SDK2: variants seen among roughly 807,000 people sequenced by gnomAD.
SDK2 encodes sidekick cell adhesion molecule 2.
In SDK2, 105 loss-of-function variants were observed where a neutral mutation model predicts 253.9. The observed-to-expected ratio is 0.41, with a 90% CI of 0.35 to 0.49. The LOEUF (loss-of-function observed/expected upper bound fraction) is 0.49. SDK2 is among the 20% of genes least tolerant of loss of function. The pLI, the probability that SDK2 is intolerant of heterozygous loss-of-function variation, is 0.06. For missense variants in SDK2, 2,608 were observed against 3,003.0 expected, an observed-to-expected ratio of 0.87 and a Z score of 3.07; for synonymous variants, 1,249 against 1,234.9, an observed-to-expected ratio of 1.01 and a Z score of -0.24.
At chr17:73,384,934 C>G (rs1205516128) in intron 32 of SDK2, among the ~76,000 whole-genome samples, 5 of 152,238 alleles carry the variant, frequency 3.3e-5, no homozygotes, top group African/African-American at 9.6e-5. Flanking sequence ...CCTCCCTCTG[C>G]CACGTTGCTC....
chr17:73,427,063 T>C (rs7215575), intron 12 of SDK2, among the ~76,000 whole-genome samples: 71,804 of 151,696 alleles, frequency 0.47, 17,936 homozygotes, highest in East Asian at 0.61. Context: ...CCAGCCTGGG[T>C]GACAGAGCGA....
chr17:73,515,545 G>C (rs969783116), intron 1 of SDK2, among the ~76,000 whole-genome samples: 1 of 152,256 alleles, frequency 6.6e-6, no homozygotes, highest in African/African-American at 2.4e-5. Context: ...GAGGGTTTCA[G>C]GTGGATGAGC....
chr17:73,395,089 A>G lies in SDK2; in HGVS notation c.3592+66T>C. On this transcript the variant is annotated intron_variant, in intron 25 of 44. Coordinates refer to ENST00000392650, the MANE Select transcript of SDK2 (RefSeq NM_001144952.2). The surrounding 1 kb of genome is among the most constrained non-coding windows in gnomAD (Gnocchi z 4.3). Reference sequence around the variant, plus strand: ...CTTCAGCCTGGCACGCGCTTGGATGACCCTGAGGGCATAGAGACCAAGGAG... The same window carrying G: ...CTTCAGCCTGGCACGCGCTTGGATGGCCCTGAGGGCATAGAGACCAAGGAG... 1 of 1,295,782 alleles carries G rather than the reference A, an allele frequency of 7.7e-7. No homozygotes were observed. Among genetic ancestry groups the G allele is most frequent in the Non-Finnish European group, 1.1e-6 (1 of 932,678 alleles). The allele number at this position is 1,295,782 out of a possible 1,614,324, so 80.3% of individuals were successfully genotyped here.
intron 1 of SDK2, among the ~76,000 whole-genome samples, chr17:73,625,311 C>T (rs966865337): frequency 1.3e-5 from 2 of 152,248 alleles, no homozygotes; most frequent in East Asian, 1.9e-4. Flanking sequence ...TCTAGGCCTG[C>T]TCACCATTCT....
chr17:73,529,807 C>T (rs754240826), intron 1 of SDK2, among the ~76,000 whole-genome samples: 12 of 152,190 alleles, frequency 7.9e-5, no homozygotes, highest in Non-Finnish European at 1.3e-4. Flanking sequence ...AGAAGGAACC[C>T]GCTGGGCTGA....
intron 12 of SDK2, among the ~76,000 whole-genome samples, chr17:73,430,154 G>A (rs961216740): frequency 3.3e-5 from 5 of 152,202 alleles, no homozygotes; most frequent in Non-Finnish European, 5.9e-5. Context: ...ACTAGCAGTG[G>A]CGTCCAGGGC....
At chr17:73,386,614 C>A in intron 30 of SDK2, 66 bp from the exon 31 acceptor site, 2 of 1,070,038 alleles carry the variant, frequency 1.9e-6, no homozygotes, top group Non-Finnish European at 2.8e-6. Flanking sequence ...ATGCTCCCAC[C>A]AAGGAGTCTC....
At position 73,337,152 on chromosome 17, in the gene SDK2, A is replaced by G. The variant is rs1226139105; in HGVS notation, c.*1435T>C. 6.6e-6 allele frequency: 1 copy of G among 151,678 alleles called. No individual in the cohort carries two copies. The highest frequency in any genetic ancestry group is 1.5e-5 in the Non-Finnish European group (1 of 68,048). The allele number at this position is 151,678 out of a possible 1,614,324, so 9.4% of individuals were successfully genotyped here. The stretch of plus-strand genomic sequence containing the variant: ...CTGACCTGCCCCTGCTGGGCGTGCA[A>G]TTCAAATGCTGGGTCCACTTTGGAC... On this transcript the variant is annotated 3_prime_UTR_variant, in exon 45 of 45. Coordinates refer to ENST00000392650, the MANE Select transcript of SDK2 (RefSeq NM_001144952.2).
At chr17:73,420,580 C>T (rs954250435) in intron 15 of SDK2, among the ~76,000 whole-genome samples, 2 of 152,096 alleles carry the variant, frequency 1.3e-5, no homozygotes, top group African/African-American at 2.4e-5. Context: ...ATCCACCTGC[C>T]TCTGCCTCCC....
intron 1 of SDK2, among the ~76,000 whole-genome samples, chr17:73,620,964 C>T (rs1341427458): frequency 6.6e-6 from 1 of 152,166 alleles, no homozygotes; most frequent in African/African-American, 2.4e-5. Flanking sequence ...TGAATGTACT[C>T]AACGCTACTG....
chr17:73,597,943 C>A (rs569233052), intron 1 of SDK2, among the ~76,000 whole-genome samples: 14 of 152,182 alleles, frequency 9.2e-5, no homozygotes, highest in Non-Finnish European at 1.5e-4. Flanking sequence ...CCGCGCCTGG[C>A]CTATTTCATT....
chr17:73,533,542 C>T (rs1335698068), intron 1 of SDK2, among the ~76,000 whole-genome samples: 1 of 152,238 alleles, frequency 6.6e-6, no homozygotes, highest in Non-Finnish European at 1.5e-5. Flanking sequence ...TCACTACTGC[C>T]CACCATCACT....
At chr17:73,539,944 C>T (rs1354958569) in intron 1 of SDK2, among the ~76,000 whole-genome samples, 1 of 151,042 alleles carries the variant, frequency 6.6e-6, no homozygotes, top group Non-Finnish European at 1.5e-5. Flanking sequence ...CCAGGATGGG[C>T]AGCCCCCACC....
chr17:73,481,532 G>C lies in SDK2; in HGVS notation c.225-9314C>G, dbSNP rs1015544114. ...AGAGAGACAGGGAGACAGAGAAACA[G>C]AGACAGAGAAAGAGAGAGACAGAAA... On this transcript the variant is annotated intron_variant, in intron 2 of 44. Transcript: ENST00000392650. This position sits in a 1 kb window ranked among gnomAD's most constrained non-coding sequence, Gnocchi z 4.5. Among the ~76,000 whole-genome samples the C allele has an allele frequency of 1.1e-4, 17 of 152,134 alleles. No individual in the cohort carries two copies. Among genetic ancestry groups the C allele is most frequent in the African/African-American group, 3.9e-4 (16 of 41,424 alleles).
rs1161277186 is a variant in SDK2, at chr17:73,468,649, C to A, written c.331+3463G>T. ...GCCTCAGCCTCCCAATTAGCTGGGA[C>A]TACAGGCATGTGCCACCACGCCTGG... On this transcript the variant is annotated intron_variant, in intron 3 of 44. Coordinates refer to ENST00000392650, the MANE Select transcript of SDK2 (RefSeq NM_001144952.2). Among the ~76,000 whole-genome samples, 5 of 151,856 alleles carry A rather than the reference C, an allele frequency of 3.3e-5. No individual in the cohort carries two copies. In the East Asian group the frequency reaches 7.8e-4, roughly 24 times the overall value.
At chr17:73,505,368 T>C (rs540110380) in intron 2 of SDK2, among the ~76,000 whole-genome samples, 106 of 152,214 alleles carry the variant, frequency 7.0e-4, no homozygotes, top group Non-Finnish European at 1.2e-3. Context: ...CTGAAACTAC[T>C]CATAGGATTG....
rs774944085 is a variant in SDK2, at chr17:73,447,619, C to T, written c.609G>A (p.Val203=). The change falls in exon 5 of 45, where the codon GTG becomes GTA. Residue 203 remains valine (V), a synonymous_variant. Transcript: ENST00000392650. The surrounding 1 kb of genome is among the most constrained non-coding windows in gnomAD (Gnocchi z 4.0). Reference sequence around the variant, plus strand: ...CCCGGCCCTGTGCGTACTTACTCTCCACGGTGAGCGTGATGGGCTGGCTGG... The same window carrying T: ...CCCGGCCCTGTGCGTACTTACTCTCTACGGTGAGCGTGATGGGCTGGCTGG... ...NKTSQPITLT[V]ENVGGPADPI... is the part of the protein sequence containing the mutation. 41 of 1,551,938 alleles carry T rather than the reference C, an allele frequency of 2.6e-5. No homozygotes were observed. The South Asian group carries it at 4.9e-4, about 18-fold the overall frequency.
chr17:73,489,401 C>A (rs75058567), intron 2 of SDK2, among the ~76,000 whole-genome samples: 7,202 of 152,172 alleles, frequency 0.047, 552 homozygotes, highest in African/African-American at 0.16. Flanking sequence ...ATTCATACTA[C>A]GATTGGAGGT....
intron 1 of SDK2, among the ~76,000 whole-genome samples, chr17:73,613,680 T>C (rs1421124921): frequency 2.2e-5 from 3 of 137,610 alleles, no homozygotes; most frequent in African/African-American, 8.1e-5. Flanking sequence ...CCAACCCCCA[T>C]CCAGTGGCAC....
Sources: allele counts gnomAD v4.1 joint callset (sites outside exome capture counted in the v4.1 genomes callset), GRCh38; gene constraint gnomAD v4.1.1; non-coding constraint Gnocchi (gnomAD v3.1); transcripts MANE v1.5; gene names NCBI Gene and HGNC (gene_info 2026-07-23, HGNC 2026-07-21).